PRKD1: variants seen among roughly 807,000 people sequenced by gnomAD.
The protein encoded by PRKD1 is protein kinase D1.
PRKD1 carries 63 observed loss-of-function variants against 95.9 expected under a neutral mutation model. That is an observed-to-expected ratio of 0.66 (90% CI 0.54 to 0.81). PRKD1 has a LOEUF of 0.81. Among genes scored for constraint, PRKD1 ranks in the 30% least tolerant of loss-of-function variants. The pLI is 0.00. For synonymous variants in PRKD1, 425 were observed against 423.1 expected (o/e 1.00, Z -0.05); for missense variants, 1,048 against 1,165.3 (o/e 0.90, Z 1.47).
intron 1 of PRKD1, among the ~76,000 whole-genome samples, chr14:29,871,014 C>T (rs1286574554): frequency 6.6e-6 from 1 of 152,172 alleles, no homozygotes; most frequent in Non-Finnish European, 1.5e-5. Flanking sequence ...CTTAGAGGTG[C>T]TAATATTCAT....
chr14:29,730,942 GA>G (rs1886402882), intron 1 of PRKD1, among the ~76,000 whole-genome samples: 1 of 151,868 alleles, frequency 6.6e-6, no homozygotes, highest in East Asian at 1.9e-4. Flanking sequence ...ATAATGAGGT[GA>G]CTATAGATAA....
At chr14:29,768,527 C>G (rs975693752) in intron 1 of PRKD1, among the ~76,000 whole-genome samples, 4 of 152,230 alleles carry the variant, frequency 2.6e-5, no homozygotes, top group South Asian at 2.1e-4. Context: ...TTTCTTAGAA[C>G]CTGTTCAGTT....
At chr14:29,752,219 T>A (rs1887508448) in intron 1 of PRKD1, among the ~76,000 whole-genome samples, 1 of 152,212 alleles carries the variant, frequency 6.6e-6, no homozygotes, top group Non-Finnish European at 1.5e-5. Context: ...GTAAATTATA[T>A]GCTACATACC....
At chr14:29,670,519 T>C (rs1011844884) in intron 2 of PRKD1, among the ~76,000 whole-genome samples, 4 of 152,232 alleles carry the variant, frequency 2.6e-5, no homozygotes, top group African/African-American at 4.8e-5. Context: ...TTTACAATTA[T>C]TGTGGGTTCT....
At chr14:29,867,608 T>C (rs992985949) in intron 1 of PRKD1, among the ~76,000 whole-genome samples, 1 of 152,200 alleles carries the variant, frequency 6.6e-6, no homozygotes, top group Admixed American at 6.5e-5. Flanking sequence ...AAAATGGTAA[T>C]GGGACTTCCT....
rs564424703 is a variant in PRKD1 at position 29,705,454 on chromosome 14, T to TG, written c.403+20081dup. Among the ~76,000 whole-genome samples the TG allele has an allele frequency of 3.9e-3, 469 of 121,326 alleles. 2 individuals carry two copies. Among genetic ancestry groups the TG allele is most frequent in the African/African-American group, 0.015 (437 of 29,074 alleles). The allele number at this position is 121,326 out of a possible 152,430, so 79.6% of individuals were successfully genotyped here. A position where few individuals can be genotyped will look rare whatever the true frequency, so the allele number is the denominator to read the frequency against. On this transcript the variant is annotated intron_variant, in intron 2 of 17. Transcript: ENST00000331968. ...CTCGATGAACAGAAAAGCCAGATTC[T>TG]GTTTTTTTTTTTGTCTTTATTGAGA... is the stretch of plus-strand genomic sequence containing the variant.
chr14:29,613,593 C>A (rs887412805), intron 13 of PRKD1, among the ~76,000 whole-genome samples: 1 of 152,198 alleles, frequency 6.6e-6, no homozygotes, highest in African/African-American at 2.4e-5. Context: ...GCATGTTCAG[C>A]CCCACTCCAC....
intron 1 of PRKD1, among the ~76,000 whole-genome samples, chr14:29,920,068 A>G (rs139854903): frequency 0.057 from 5,427 of 95,132 alleles, 124 homozygotes; most frequent in East Asian, 0.13. Context: ...AAGGAAGGAA[A>G]GAAGGAAGGA....
In PRKD1 at chr14:29,632,966, C is replaced by T. The variant is rs367955415; in HGVS notation, c.1315-20G>A. ...TTTCCGCTGAAACAGAAGTTAGATC[C>T]AAGATCTTTTTAAAAAACTTTAAAA... On this transcript the variant is annotated intron_variant, in intron 8 of 17. Coordinates refer to ENST00000331968, the MANE Select transcript of PRKD1 (RefSeq NM_002742.3). 1.3e-5 allele frequency: 20 copies of T among 1,597,798 alleles called. No individual in the cohort carries two copies. The highest frequency in any genetic ancestry group is 1.7e-5 in the Non-Finnish European group (20 of 1,165,632).
intron 1 of PRKD1, among the ~76,000 whole-genome samples, chr14:29,826,471 CAT>C (rs1257952478): frequency 3.1e-4 from 31 of 100,022 alleles, no homozygotes; most frequent in African/African-American, 1.3e-3. Flanking sequence ...AATATATATA[CAT>C]ATATATGATG....
rs554353626 is a variant in PRKD1, at chr14:29,927,517, C to T, written c.-5G>A. ...CAGGACCGGAGGGGCGCTCATCGCT[C>T]GGCGGGGCGCAGGGCCGGGCAGCGG... On this transcript the variant is annotated 5_prime_UTR_variant, in exon 1 of 18. Transcript: ENST00000331968. The T allele has an allele frequency of 8.8e-4, 1,037 of 1,181,834 alleles. 7 individuals carry two copies. In the African/African-American group the frequency reaches 9.5e-3, roughly 11 times the overall value. The allele number at this position is 1,181,834 out of a possible 1,614,324, so 73.2% of individuals were successfully genotyped here.
intron 1 of PRKD1, among the ~76,000 whole-genome samples, chr14:29,731,365 C>A (rs1886425708): frequency 6.6e-6 from 1 of 152,114 alleles, no homozygotes; most frequent in Non-Finnish European, 1.5e-5. Context: ...CCCAGGAGGT[C>A]AAACTTGGTG....
chr14:29,717,817 G>T, intron 2 of PRKD1, among the ~76,000 whole-genome samples: 1 of 151,986 alleles, frequency 6.6e-6, no homozygotes. Context: ...TTCACTTCCG[G>T]GTTTGTCTTA....
chr14:29,728,607 C>G (rs1356554504), intron 1 of PRKD1, among the ~76,000 whole-genome samples: 3 of 152,082 alleles, frequency 2.0e-5, no homozygotes, highest in African/African-American at 7.2e-5. Context: ...CATTTGGGTT[C>G]TTTCACCTTT....
intron 13 of PRKD1, among the ~76,000 whole-genome samples, chr14:29,618,906 A>C (rs1879055110): frequency 6.6e-6 from 1 of 152,188 alleles, no homozygotes; most frequent in East Asian, 1.9e-4. Context: ...CTGAGGACCT[A>C]GCAGAGCTGA....
intron 13 of PRKD1, among the ~76,000 whole-genome samples, chr14:29,607,169 G>A (rs1878042601): frequency 6.6e-6 from 1 of 152,116 alleles, no homozygotes; most frequent in African/African-American, 2.4e-5. Flanking sequence ...TCCCCCTTTA[G>A]TTTGATAACT....
At chr14:29,835,053 TA>T (rs1891559225) in intron 1 of PRKD1, among the ~76,000 whole-genome samples, 1 of 152,108 alleles carries the variant, frequency 6.6e-6, no homozygotes, top group South Asian at 2.1e-4. Context: ...TCTGATGAAT[TA>T]AAATTAACAT....
intron 4 of PRKD1, 114 bp downstream of exon 4, chr14:29,663,573 AAACACTGTCATT>A: frequency 1.8e-6 from 2 of 1,087,604 alleles, no homozygotes; most frequent in Non-Finnish European, 2.7e-6. Context: ...AGCCCTGAAG[AAACACTGTCATT>A]AACACCCTGG....
Position 29,927,335 on chromosome 14 carries a change from C to G in PRKD1, c.178G>C (p.Glu60Gln), listed in dbSNP as rs746045993. Residue 60 changes from glutamate to glutamine, a missense_variant, in exon 1 of 18, where the codon GAG (glutamate) becomes CAG (glutamine). Around this residue, in one of 3 missense-constraint regions of PRKD1, gnomAD observed 275 missense variants for 248.6 expected, o/e 1.11. Coordinates refer to ENST00000331968, the MANE Select transcript of PRKD1 (RefSeq NM_002742.3). ...SFHLQIGLSR[E>Q]PVLLLQDSSG... ...GAGTCCTGCAGCAGCAGCACCGGCT[C>G]ACGGCTCAGGCCGATCTGCAGATGG... 1 of 1,566,340 alleles carries G rather than the reference C, an allele frequency of 6.4e-7. No homozygotes were observed. Among genetic ancestry groups the G allele is most frequent in the South Asian group, 1.2e-5 (1 of 85,470 alleles).
Sources: allele counts gnomAD v4.1 joint callset (sites outside exome capture counted in the v4.1 genomes callset), GRCh38; gene constraint gnomAD v4.1.1; regional missense constraint gnomAD v4.1.1; transcripts MANE v1.5; gene names NCBI Gene and HGNC (gene_info 2026-07-23, HGNC 2026-07-21).